NNT: variants seen among roughly 807,000 people sequenced by gnomAD.
NNT encodes nicotinamide nucleotide transhydrogenase.
Under a neutral mutation model 104.8 loss-of-function variants are expected in NNT, and 50 were observed. The ratio of observed to expected loss-of-function variants is 0.48; its 90% CI spans 0.38 to 0.60. NNT has a LOEUF of 0.60. NNT is among the 20% of genes least tolerant of loss of function. NNT has a pLI of 0.00. For missense variants in NNT, 1,131 were observed against 1,330.7 expected, an observed-to-expected ratio of 0.85 and a Z score of 2.33; for synonymous variants, 461 against 490.4, an observed-to-expected ratio of 0.94 and a Z score of 0.79.
chr5:43,696,102 C>T (rs977888030), intron 19 of NNT, among the ~76,000 whole-genome samples: 24 of 152,136 alleles, frequency 1.6e-4, no homozygotes, highest in African/African-American at 5.8e-4. Context: ...AGCATTAACT[C>T]AAAAGTCCAC....
chr5:43,649,571 T>C (rs533785155), intron 11 of NNT, among the ~76,000 whole-genome samples: 1 of 151,644 alleles, frequency 6.6e-6, no homozygotes, highest in African/African-American at 2.4e-5. Flanking sequence ...TCTTCCAAGT[T>C]TGATCCTTTT....
At chr5:43,673,955 G>A (rs1330446172) in intron 17 of NNT, among the ~76,000 whole-genome samples, 1 of 151,748 alleles carries the variant, frequency 6.6e-6, no homozygotes, top group African/African-American at 2.4e-5. Flanking sequence ...AGGAGGCGGA[G>A]GTTGCAGTGA....
chr5:43,605,731 T>G (rs1749188338), intron 1 of NNT, among the ~76,000 whole-genome samples: 1 of 152,150 alleles, frequency 6.6e-6, no homozygotes, highest in Non-Finnish European at 1.5e-5. Context: ...GTTTAAATAT[T>G]CTCTATCTTT....
intron 7 of NNT, among the ~76,000 whole-genome samples, chr5:43,635,040 G>A (rs190896815): frequency 5.2e-4 from 79 of 152,258 alleles, no homozygotes; most frequent in South Asian, 2.1e-4. Flanking sequence ...CACAAATAGC[G>A]TTACTGCTAA....
rs1739340474 is a variant in NNT at position 43,645,516 on chromosome 5, G to T, written c.1444+6G>T. The T allele has an allele frequency of 2.0e-6, 3 of 1,484,350 alleles. No homozygotes were observed. Among genetic ancestry groups the T allele is most frequent in the Middle Eastern group, 1.8e-4 (1 of 5,596 alleles). 91.9% of individuals were successfully genotyped at this position (1,484,350 alleles called of 1,614,324 possible). On this transcript the variant is annotated splice_donor_region_variant and intron_variant, in intron 10 of 21. Transcript: ENST00000344920. Reference sequence around the variant, plus strand: ...GGCTTCTGCATATACAGCAGGTGAGGATACCATTTACCAGGGTTTAGTCTT... The same window carrying T: ...GGCTTCTGCATATACAGCAGGTGAGTATACCATTTACCAGGGTTTAGTCTT...
intron 14 of NNT, among the ~76,000 whole-genome samples, chr5:43,653,870 G>A (rs967359988): frequency 1.3e-5 from 2 of 151,684 alleles, no homozygotes; most frequent in Non-Finnish European, 2.9e-5. Flanking sequence ...CATGATAATC[G>A]CTTGAACCTG....
intron 1 of NNT, among the ~76,000 whole-genome samples, chr5:43,607,141 C>T (rs1330191230): frequency 6.6e-6 from 1 of 151,954 alleles, no homozygotes; most frequent in Non-Finnish European, 1.5e-5. Flanking sequence ...GTAGCTGGGA[C>T]TACAGGTGCG....
intron 7 of NNT, among the ~76,000 whole-genome samples, chr5:43,639,442 T>C (rs1273343234): frequency 6.6e-6 from 1 of 152,178 alleles, no homozygotes; most frequent in African/African-American, 2.4e-5. Context: ...GGTACACTTA[T>C]TCACTCCAAA....
intron 17 of NNT, among the ~76,000 whole-genome samples, chr5:43,673,174 C>T (rs567515157): frequency 6.6e-6 from 1 of 152,202 alleles, no homozygotes; most frequent in African/African-American, 2.4e-5. Context: ...TTTCCGGGTG[C>T]CCTCCATCAC....
chr5:43,701,571 G>T (rs1487221764), intron 20 of NNT, among the ~76,000 whole-genome samples: 3 of 152,114 alleles, frequency 2.0e-5, no homozygotes, highest in African/African-American at 7.2e-5. Flanking sequence ...TTGGTAGAAA[G>T]ATTTGTTTTC....
At chr5:43,622,533 G>A (rs936722738) in intron 5 of NNT, among the ~76,000 whole-genome samples, 1 of 152,154 alleles carries the variant, frequency 6.6e-6, no homozygotes, top group African/African-American at 2.4e-5. Flanking sequence ...CTCCCAAAGC[G>A]CTGGGATCAC....
chr5:43,678,818 C>T (rs945280904), intron 19 of NNT, among the ~76,000 whole-genome samples: 3 of 152,116 alleles, frequency 2.0e-5, no homozygotes, highest in Non-Finnish European at 4.4e-5. Context: ...AATCAGGGGG[C>T]TACCTTAATT....
At position 43,659,240 on chromosome 5, in the gene NNT, T is replaced by G; in HGVS notation, c.2524T>G (p.Ser842Ala). The G allele has an allele frequency of 6.2e-7, 1 of 1,614,106 alleles. No individual in the cohort carries two copies. Among genetic ancestry groups the G allele is most frequent in the Non-Finnish European group, 8.5e-7 (1 of 1,180,002 alleles). ...CGTTATCACTGTGCTGAACAGCTACTCAGGCTGGGCCCTGTGTGCAGAGGG... is the reference window on the plus strand; with the variant it reads ...CGTTATCACTGTGCTGAACAGCTACGCAGGCTGGGCCCTGTGTGCAGAGGG... ...PVVITVLNSY[S>A]GWALCAEGFL... The change falls in exon 17 of 22, where the codon TCA becomes GCA. Residue 842 changes from serine (S) to alanine (A), a missense_variant. By Grantham distance (99) the Ser-to-Ala change is moderately conservative. Transcript: ENST00000344920.
chr5:43,681,129 G>A (rs967698740), intron 19 of NNT, among the ~76,000 whole-genome samples: 12 of 151,322 alleles, frequency 7.9e-5, no homozygotes, highest in Non-Finnish European at 1.5e-4. Context: ...GCATGGTGGC[G>A]GGCACCTGTA....
rs776510690 is a variant in NNT, at chr5:43,653,160, G to A, written c.2006G>A (p.Gly669Asp). 3.7e-6 allele frequency: 6 copies of A among 1,614,132 alleles called. No homozygotes were observed. The South Asian group carries it at 4.4e-5, about 12-fold the overall frequency. Residue 669 changes from glycine (G) to aspartate (D), a missense_variant, in exon 14 of 22, where the codon GGC becomes GAC. By Grantham distance (94) the Gly-to-Asp change is moderately conservative. Coordinates refer to ENST00000344920, the MANE Select transcript of NNT (RefSeq NM_182977.3). Reference sequence around the variant, plus strand: ...GCCACCCTCGGAGTCCTAAAACCGGGCCCAGAATTACTAGCTCAGATGTCT... The same window carrying A: ...GCCACCCTCGGAGTCCTAAAACCGGACCCAGAATTACTAGCTCAGATGTCT... ...LAATLGVLKP[G>D]PELLAQMSGA...
intron 5 of NNT, among the ~76,000 whole-genome samples, chr5:43,619,783 T>TA (rs1187884263): frequency 6.6e-6 from 1 of 152,172 alleles, no homozygotes; most frequent in Non-Finnish European, 1.5e-5. Context: ...TAATTTATTT[T>TA]AAAAAAGAGG....
rs1580022403 is a variant in NNT at position 43,644,299 on chromosome 5, A to G, written c.1072A>G (p.Lys358Glu). 1 of 1,613,876 alleles carries G rather than the reference A, an allele frequency of 6.2e-7. No homozygotes were observed. ...AEAGGNFETTKPGELYIHKGI... is the reference protein window; with the variant it reads ...AEAGGNFETTEPGELYIHKGI... ...GGCTGGTGGAAACTTTGAAACCACT[A>G]AGCCAGGAGAACTCTACATTCATAA... Residue 358 changes from lysine to glutamate, a missense_variant, in exon 8 of 22, where the codon AAG becomes GAG. Physicochemically the swap from Lys to Glu is moderately conservative, Grantham distance 56 (BLOSUM62 1). Transcript: ENST00000344920.
chr5:43,683,258 C>T (rs1741816289), intron 19 of NNT, among the ~76,000 whole-genome samples: 1 of 152,194 alleles, frequency 6.6e-6, no homozygotes, highest in South Asian at 2.1e-4. Flanking sequence ...TATGTTCAAC[C>T]TATTGTGTGG....
intron 17 of NNT, among the ~76,000 whole-genome samples, chr5:43,668,104 G>T (rs1247733111): frequency 2.0e-5 from 3 of 152,140 alleles, no homozygotes; most frequent in Non-Finnish European, 4.4e-5. Context: ...TTGCCCACTT[G>T]TTGATGGGAT....
Sources: allele counts gnomAD v4.1 joint callset (sites outside exome capture counted in the v4.1 genomes callset), GRCh38; gene constraint gnomAD v4.1.1; transcripts MANE v1.5; gene names NCBI Gene and HGNC (gene_info 2026-07-23, HGNC 2026-07-21).